Variants in ATP2A2 observed in about 807,000 individuals in gnomAD.
ATP2A2 encodes the protein sarcoplasmic/endoplasmic reticulum calcium ATPase 2.
In ATP2A2, 14 loss-of-function variants were observed where a neutral mutation model predicts 109.3. That is an observed-to-expected ratio of 0.13 (90% CI 0.08 to 0.20). ATP2A2 has a LOEUF of 0.20. ATP2A2 is among the 10% of genes least tolerant of loss of function. The pLI is 1.00. For synonymous variants in ATP2A2, 506 were observed against 490.9 expected (o/e 1.03, Z -0.41); for missense variants, 657 against 1,321.6 (o/e 0.50, Z 7.80).
Position 110,281,899 on chromosome 12 carries a change from G to A in ATP2A2, c.110G>A (p.Gly37Asp). Reference protein sequence around the residue: ...EQVKKLKERWGSNELPAEEGK... With the variant: ...EQVKKLKERWDSNELPAEEGK... ...GTCAAGAAGCTTAAGGAGAGATGGG[G>A]CTCCAACGGTAGGTGCAGGGCGCTC... Residue 37 changes from glycine to aspartate, a missense_variant, in exon 1 of 20, where the codon GGC becomes GAC. This residue lies in a region of ATP2A2 where 64 missense variants were observed against 65.4 expected (regional missense o/e 0.98). Coordinates refer to ENST00000539276, the MANE Select transcript of ATP2A2 (RefSeq NM_170665.4). 6.3e-7 allele frequency: 1 copy of A among 1,580,448 alleles called. No homozygotes were observed. The highest frequency in any genetic ancestry group is 8.6e-7 in the Non-Finnish European group (1 of 1,165,260).
At chr12:110,303,525 C>T (rs1366753614) in intron 5 of ATP2A2, among the ~76,000 whole-genome samples, 1 of 152,162 alleles carries the variant, frequency 6.6e-6, no homozygotes, top group East Asian at 1.9e-4. Context: ...ATTCTCCTGC[C>T]TCAGCCTCCC....
rs778876071 is a variant in ATP2A2 at position 110,347,438 on chromosome 12, G to T, written c.*968G>T. 1.6e-6 allele frequency: 2 copies of T among 1,288,896 alleles called. No individual in the cohort carries two copies. The highest frequency in any genetic ancestry group is 1.5e-5 in the African/African-American group (1 of 65,804). 79.8% of individuals were successfully genotyped at this position (1,288,896 alleles called of 1,614,324 possible). Reference sequence around the variant, plus strand: ...TTGTACTCTGCTTGAGGGGAAGAAGGCTCCTGCTCTGCTGTGTAGGTAGTC... The same window carrying T: ...TTGTACTCTGCTTGAGGGGAAGAAGTCTCCTGCTCTGCTGTGTAGGTAGTC... On this transcript the variant is annotated 3_prime_UTR_variant, in exon 20 of 20. Coordinates refer to ENST00000539276, the MANE Select transcript of ATP2A2 (RefSeq NM_170665.4).
intron 5 of ATP2A2, among the ~76,000 whole-genome samples, chr12:110,297,395 C>T (rs957297924): frequency 4.8e-5 from 7 of 145,928 alleles, no homozygotes; most frequent in Non-Finnish European, 1.0e-4. Context: ...GAGATCGCAC[C>T]ACTGCACTCC....
chr12:110,350,155 G>A lies in ATP2A2; in HGVS notation c.*3685G>A. The A allele has an allele frequency of 2.5e-6, 4 of 1,570,070 alleles. No homozygotes were observed. The highest frequency in any genetic ancestry group is 1.4e-5 in the African/African-American group (1 of 73,750). On this transcript the variant is annotated 3_prime_UTR_variant, in exon 20 of 20. Coordinates refer to ENST00000539276, the MANE Select transcript of ATP2A2 (RefSeq NM_170665.4). The stretch of plus-strand genomic sequence containing the variant: ...TCAGGGACAGTAAATCAGAAATGCT[G>A]GTCTTGAAACCTTGAAAAGATCAAG...
At chr12:110,287,209 C>T (rs749263274) in intron 3 of ATP2A2, among the ~76,000 whole-genome samples, 5 of 152,054 alleles carry the variant, frequency 3.3e-5, no homozygotes, top group Admixed American at 1.3e-4. Context: ...GCCGAGATTG[C>T]GCCACTGCAC....
At chr12:110,334,304 T>TC (rs1279926632) in intron 11 of ATP2A2, 161 bp downstream of exon 11, 2 of 918,788 alleles carry the variant, frequency 2.2e-6, no homozygotes, top group Non-Finnish European at 3.4e-6. Flanking sequence ...AAGATGCTCT[T>TC]CCTGTGTATT....
intron 3 of ATP2A2, among the ~76,000 whole-genome samples, chr12:110,286,203 A>G (rs1038302698): frequency 6.6e-6 from 1 of 152,202 alleles, no homozygotes; most frequent in African/African-American, 2.4e-5. Flanking sequence ...GATTACAGGC[A>G]TGAACCACTG....
chr12:110,322,852 G>C (rs564887270), intron 5 of ATP2A2, 140 bp from the exon 6 acceptor site: 1 of 718,148 alleles, frequency 1.4e-6, no homozygotes, highest in Admixed American at 2.1e-5. Context: ...CACTTTGCTT[G>C]TTTTAACTGA....
chr12:110,329,211 A>G (rs1878098872), intron 8 of ATP2A2, among the ~76,000 whole-genome samples: 1 of 152,204 alleles, frequency 6.6e-6, no homozygotes, highest in African/African-American at 2.4e-5. Flanking sequence ...GTAAATAGTT[A>G]AACTGTGTTG....
In ATP2A2 at chr12:110,349,979, C is replaced by G; in HGVS notation, c.*3509C>G. 9.2e-6 allele frequency: 12 copies of G among 1,297,740 alleles called. No homozygotes were observed. The highest frequency in any genetic ancestry group is 1.1e-5 in the Non-Finnish European group (11 of 1,015,792). The allele number at this position is 1,297,740 out of a possible 1,614,324, so 80.4% of individuals were successfully genotyped here. A position where few individuals can be genotyped will look rare whatever the true frequency, so the allele number is the denominator to read the frequency against. On this transcript the variant is annotated 3_prime_UTR_variant, in exon 20 of 20. Coordinates refer to ENST00000539276, the MANE Select transcript of ATP2A2 (RefSeq NM_170665.4). Reference sequence around the variant, plus strand: ...TCTGCACCACTAACCAAGACCTTGTCCTCTTGCCTGTCTCGCTGCTTTCAC... The same window carrying G: ...TCTGCACCACTAACCAAGACCTTGTGCTCTTGCCTGTCTCGCTGCTTTCAC...
At chr12:110,328,145 C>A in intron 8 of ATP2A2, 128 bp downstream of exon 8, 1 of 932,564 alleles carries the variant, frequency 1.1e-6, no homozygotes. Context: ...ATAGCCTGAG[C>A]TTAATTTCTA....
intron 5 of ATP2A2, among the ~76,000 whole-genome samples, chr12:110,297,045 T>C (rs116698628): frequency 1.2e-3 from 188 of 152,302 alleles, no homozygotes; most frequent in African/African-American, 4.4e-3. Flanking sequence ...CAGTTAGTTA[T>C]AGTGAACAAT....
In ATP2A2 at chr12:110,340,632, T is replaced by C; in HGVS notation, c.1762-27T>C. Reference sequence around the variant, plus strand: ...GGACAAAAACTAGAACTTGCCACTTTTATTTAAAGTGATGCTCTTATTTTA... The same window carrying C: ...GGACAAAAACTAGAACTTGCCACTTCTATTTAAAGTGATGCTCTTATTTTA... On this transcript the variant is annotated intron_variant, in intron 13 of 19. Transcript: ENST00000539276. The surrounding 1 kb of genome is among the most constrained non-coding windows in gnomAD (Gnocchi z 6.0). The C allele has an allele frequency of 6.2e-7, 1 of 1,613,064 alleles. No individual in the cohort carries two copies. The highest frequency in any genetic ancestry group is 8.5e-7 in the Non-Finnish European group (1 of 1,179,164).
chr12:110,349,929 G>T lies in ATP2A2; in HGVS notation c.*3459G>T. 2.6e-6 allele frequency: 3 copies of T among 1,157,920 alleles called. No individual in the cohort carries two copies. The South Asian group carries it at 6.7e-5, about 26-fold the overall frequency. 71.7% of individuals were successfully genotyped at this position (1,157,920 alleles called of 1,614,324 possible). A position where few individuals can be genotyped will look rare whatever the true frequency, so the allele number is the denominator to read the frequency against. ...CAGGAAGGCTGTGCTGCTACTGGCT[G>T]CTCACTTCTCCATCAACCTCACCCT... On this transcript the variant is annotated 3_prime_UTR_variant, in exon 20 of 20. Transcript: ENST00000539276.
chr12:110,322,445 A>G (rs1877338583), intron 5 of ATP2A2, among the ~76,000 whole-genome samples: 1 of 151,970 alleles, frequency 6.6e-6, no homozygotes, highest in Non-Finnish European at 1.5e-5. Flanking sequence ...ACTGATCTCT[A>G]CATCCTGGGT....
chr12:110,318,153 C>A (rs887742146), intron 5 of ATP2A2, among the ~76,000 whole-genome samples: 2 of 152,174 alleles, frequency 1.3e-5, no homozygotes, highest in African/African-American at 4.8e-5. Flanking sequence ...AATCCTTTGT[C>A]TGAAATTCAC....
At position 110,334,114 on chromosome 12, in the gene ATP2A2, A is replaced by G. The variant is rs746929446; in HGVS notation, c.1390A>G (p.Lys464Glu). ...VFDTELKGLS[K>E]IERANACNSV... ...TGATACCGAATTGAAGGGTCTTTCT[A>G]AAATAGAACGTGCAAATGCCTGCAA... is the stretch of plus-strand genomic sequence containing the variant. The change falls in exon 11 of 20, where the codon AAA (lysine) becomes GAA (glutamate). Residue 464 changes from lysine (K) to glutamate (E), a missense_variant. By Grantham distance (56) the Lys-to-Glu change is moderately conservative. Around this residue, in one of 9 missense-constraint regions of ATP2A2, gnomAD observed 180 missense variants for 329.1 expected, o/e 0.55. Transcript: ENST00000539276. 8 of 1,614,104 alleles carry G rather than the reference A, an allele frequency of 5.0e-6. No homozygotes were observed. The highest frequency in any genetic ancestry group is 5.9e-6 in the Non-Finnish European group (7 of 1,180,020).
chr12:110,281,973 C>T (rs1330359894), intron 1 of ATP2A2, 66 bp downstream of exon 1: 40 of 1,324,064 alleles, frequency 3.0e-5, no homozygotes, highest in Non-Finnish European at 3.9e-5. Context: ...GATGGCTGAC[C>T]GGGCTCCACC....
rs1040738233 is a variant in ATP2A2, at chr12:110,281,704, G to T, written c.-86G>T. On this transcript the variant is annotated 5_prime_UTR_variant, in exon 1 of 20. Transcript: ENST00000539276. ...AGCCCGTCCGCGCCTGGGCTCCCGG[G>T]GTGGCACGAGCCCGCGGCCGGAGTG... 30 of 938,048 alleles carry T rather than the reference G, an allele frequency of 3.2e-5. No individual in the cohort carries two copies. In the Middle Eastern group the frequency reaches 1.3e-3, roughly 40 times the overall value. 58.1% of individuals were successfully genotyped at this position (938,048 alleles called of 1,614,324 possible).
Sources: gnomAD v4.1 joint callset for allele counts (sites outside exome capture counted in the v4.1 genomes callset) on GRCh38, gnomAD v4.1.1 for gene constraint, gnomAD v4.1.1 regional missense constraint, Gnocchi (gnomAD v3.1) non-coding constraint, MANE v1.5 for transcripts, NCBI Gene and HGNC (gene_info 2026-07-23, HGNC 2026-07-21) for gene names.